Variants in DENND3 observed in about 807,000 individuals in gnomAD.
The protein encoded by DENND3 is DENN domain-containing protein 3.
Under a neutral mutation model 135.1 loss-of-function variants are expected in DENND3, and 88 were observed. The ratio of observed to expected loss-of-function variants is 0.65; its 90% CI spans 0.55 to 0.78. The LOEUF is 0.78. Ranked by LOEUF, DENND3 falls within the 30% of genes least tolerant of loss-of-function variation. DENND3 has a pLI of 0.00. For synonymous variants in DENND3, 693 were observed against 712.3 expected (o/e 0.97, Z 0.43); for missense variants, 1,392 against 1,688.4 (o/e 0.82, Z 3.08).
At chr8:141,187,505 T>G (rs1824050215) in intron 18 of DENND3, among the ~76,000 whole-genome samples, 1 of 152,064 alleles carries the variant, frequency 6.6e-6, no homozygotes, top group Non-Finnish European at 1.5e-5. Flanking sequence ...GGATTACAGG[T>G]GTGAGCCACT....
rs538901385 is a variant in DENND3, at chr8:141,184,446, G to A, written c.2945-693G>A. 12 of 151,794 alleles carry A rather than the reference G, an allele frequency of 7.9e-5. 1 individual carries two copies. The highest frequency in any genetic ancestry group is 2.9e-4 in the African/African-American group (12 of 41,362). 9.4% of individuals were successfully genotyped at this position (151,794 alleles called of 1,614,324 possible). A position where few individuals can be genotyped will look rare whatever the true frequency, so the allele number is the denominator to read the frequency against. ...TGTGAACACTGCTGCACTCCAGCCCGGGCAACATGGCAAGACCTCGTCTAT... is the reference window on the plus strand; with the variant it reads ...TGTGAACACTGCTGCACTCCAGCCCAGGCAACATGGCAAGACCTCGTCTAT... On this transcript the variant is annotated intron_variant, in intron 17 of 22. Transcript: ENST00000519811.
At position 141,146,138 on chromosome 8, in the gene DENND3, G is replaced by A. The variant is rs1340061517; in HGVS notation, c.735+1879G>A. On this transcript the variant is annotated intron_variant, in intron 5 of 22. Coordinates refer to ENST00000519811, the MANE Select transcript of DENND3 (RefSeq NM_001352890.3). The surrounding 1 kb of genome is among the most constrained non-coding windows in gnomAD (Gnocchi z 4.3). ...CTGGGATTACAGCGTGAGCCACCGC[G>A]CCCGCCCTGGATATTGTATTTCATT... Among the ~76,000 whole-genome samples, 2 of 152,096 alleles carry A rather than the reference G, an allele frequency of 1.3e-5. No homozygotes were observed. Among genetic ancestry groups the A allele is most frequent in the Admixed American group, 6.5e-5 (1 of 15,274 alleles).
chr8:141,195,707 C>T lies in DENND3; in HGVS notation c.*1474C>T, dbSNP rs546777684. On this transcript the variant is annotated 3_prime_UTR_variant, in exon 23 of 23. Transcript: ENST00000519811. Reference sequence around the variant, plus strand: ...ACACATGAATCCTTATGATAAAAGTCTGTCAGTCAAAAATACATTTATAAA... The same window carrying T: ...ACACATGAATCCTTATGATAAAAGTTTGTCAGTCAAAAATACATTTATAAA... 3.9e-5 allele frequency: 6 copies of T among 152,340 alleles called. No homozygotes were observed. Among genetic ancestry groups the T allele is most frequent in the African/African-American group, 1.2e-4 (5 of 41,574 alleles). The allele number at this position is 152,340 out of a possible 1,614,324, so 9.4% of individuals were successfully genotyped here.
chr8:141,191,989 G>GGGTAA (rs776978872), intron 20 of DENND3: 2 of 200,584 alleles, frequency 1.0e-5, no homozygotes, highest in South Asian at 2.4e-4. Flanking sequence ...TTCATGGATA[G>GGGTAA]GGTAAGAAGC....
intron 1 of DENND3, among the ~76,000 whole-genome samples, chr8:141,136,122 C>T (rs933196448): frequency 6.6e-6 from 1 of 152,214 alleles, no homozygotes; most frequent in African/African-American, 2.4e-5. Context: ...CTGTTATTCC[C>T]TGTACTCGCC....
Position 141,141,417 on chromosome 8 carries a change from G to C in DENND3, c.623+93G>C. 2.0e-6 allele frequency: 3 copies of C among 1,470,922 alleles called. No homozygotes were observed. Among genetic ancestry groups the C allele is most frequent in the South Asian group, 2.4e-5 (2 of 84,814 alleles). The allele number at this position is 1,470,922 out of a possible 1,614,324, so 91.1% of individuals were successfully genotyped here. ...GGGACCAGGGGGCTGGAGGTGGTGG[G>C]GGGGCAGCTCTCTGTTCCTCTCCTG... On this transcript the variant is annotated intron_variant, in intron 4 of 22. Coordinates refer to ENST00000519811, the MANE Select transcript of DENND3 (RefSeq NM_001352890.3). The surrounding 1 kb of genome is among the most constrained non-coding windows in gnomAD (Gnocchi z 5.3).
chr8:141,140,146 C>G (rs536135469), intron 3 of DENND3, among the ~76,000 whole-genome samples: 69 of 152,294 alleles, frequency 4.5e-4, no homozygotes, highest in Middle Eastern at 3.4e-3. Context: ...CTACTGGAAT[C>G]CTGCCTCAGC....
In DENND3 at chr8:141,144,023, G is replaced by A; in HGVS notation, c.624-125G>A. 2 of 776,802 alleles carry A rather than the reference G, an allele frequency of 2.6e-6. No individual in the cohort carries two copies. The highest frequency in any genetic ancestry group is 4.0e-6 in the Non-Finnish European group (2 of 501,552). 48.1% of individuals were successfully genotyped at this position (776,802 alleles called of 1,614,324 possible). ...CCAGCAGCTTGGTGACTTTGCTTTT[G>A]GTGAAAGGTCCTGGAGCTGCTGCTG... On this transcript the variant is annotated intron_variant, in intron 4 of 22. Transcript: ENST00000519811. The surrounding 1 kb of genome is among the most constrained non-coding windows in gnomAD (Gnocchi z 4.4).
chr8:141,146,406 T>G lies in DENND3; in HGVS notation c.735+2147T>G, dbSNP rs188962784. ...AGAAACATGTCAGGTTGCTCAGCTATGTGAAGAAACCTGTTTGACTCAGCA... is the reference window on the plus strand; with the variant it reads ...AGAAACATGTCAGGTTGCTCAGCTAGGTGAAGAAACCTGTTTGACTCAGCA... On this transcript the variant is annotated intron_variant, in intron 5 of 22. Coordinates refer to ENST00000519811, the MANE Select transcript of DENND3 (RefSeq NM_001352890.3). The surrounding 1 kb of genome is among the most constrained non-coding windows in gnomAD (Gnocchi z 4.3). 6.6e-6 allele frequency among the ~76,000 whole-genome samples: 1 copy of G among 152,232 alleles called. No homozygotes were observed. Among genetic ancestry groups the G allele is most frequent in the Non-Finnish European group, 1.5e-5 (1 of 68,042 alleles).
In DENND3 at chr8:141,139,225, G is replaced by A. The variant is rs893264792; in HGVS notation, c.501+1088G>A. ...TGGATTCCCTCGGAGCCCGGGACAC[G>A]TGTTTTTGTTGGTAGAAGCGTGCTT... On this transcript the variant is annotated intron_variant, in intron 3 of 22. Transcript: ENST00000519811. The surrounding 1 kb of genome is among the most constrained non-coding windows in gnomAD (Gnocchi z 4.2). 2.0e-5 allele frequency among the ~76,000 whole-genome samples: 3 copies of A among 152,198 alleles called. No individual in the cohort carries two copies. The highest frequency in any genetic ancestry group is 4.4e-5 in the Non-Finnish European group (3 of 68,040).
At chr8:141,134,643 G>A (rs913841213) in intron 1 of DENND3, among the ~76,000 whole-genome samples, 11 of 152,244 alleles carry the variant, frequency 7.2e-5, no homozygotes, top group Non-Finnish European at 1.0e-4. Flanking sequence ...ATTGTTGACC[G>A]AATTTGAGTG....
Position 141,146,142 on chromosome 8 carries a change from G to A in DENND3, c.735+1883G>A, listed in dbSNP as rs1460465429. 3.3e-5 allele frequency among the ~76,000 whole-genome samples: 5 copies of A among 152,196 alleles called. No homozygotes were observed. The East Asian group carries it at 5.8e-4, about 18-fold the overall frequency. On this transcript the variant is annotated intron_variant, in intron 5 of 22. Coordinates refer to ENST00000519811, the MANE Select transcript of DENND3 (RefSeq NM_001352890.3). This position sits in a 1 kb window ranked among gnomAD's most constrained non-coding sequence, Gnocchi z 4.3. Reference sequence around the variant, plus strand: ...GATTACAGCGTGAGCCACCGCGCCCGCCCTGGATATTGTATTTCATTTGTT... The same window carrying A: ...GATTACAGCGTGAGCCACCGCGCCCACCCTGGATATTGTATTTCATTTGTT...
chr8:141,165,495 G>A (rs1387172333), intron 11 of DENND3, among the ~76,000 whole-genome samples: 7 of 144,750 alleles, frequency 4.8e-5, no homozygotes, highest in African/African-American at 1.6e-4. Flanking sequence ...ACGGAGTCTC[G>A]CTCTTGTTGC....
At chr8:141,178,815 A>G (rs1822731724) in intron 16 of DENND3, among the ~76,000 whole-genome samples, 1 of 151,964 alleles carries the variant, frequency 6.6e-6, no homozygotes, top group African/African-American at 2.4e-5. Flanking sequence ...CTGGACTCCC[A>G]TTTTTTTCTT....
At position 141,192,559 on chromosome 8, in the gene DENND3, A is replaced by G. The variant is rs777841137; in HGVS notation, c.3532A>G (p.Ser1178Gly). The change falls in exon 22 of 23, where the codon AGC (serine) becomes GGC (glycine). Residue 1178 changes from serine (S) to glycine (G), a missense_variant. Coordinates refer to ENST00000519811, the MANE Select transcript of DENND3 (RefSeq NM_001352890.3). ...GCTGTGGGCGGCCTGTGCAGGACGCAGCGAGGTTTACATCTGGAGCCTGAA... is the reference window on the plus strand; with the variant it reads ...GCTGTGGGCGGCCTGTGCAGGACGCGGCGAGGTTTACATCTGGAGCCTGAA... ...EQLWAACAGR[S>G]EVYIWSLKDL... is the part of the protein sequence containing the mutation. 6.3e-7 allele frequency: 1 copy of G among 1,583,376 alleles called. No homozygotes were observed. The highest frequency in any genetic ancestry group is 8.6e-7 in the Non-Finnish European group (1 of 1,162,590).
Position 141,150,160 on chromosome 8 carries a change from G to T in DENND3, c.736-674G>T, listed in dbSNP as rs544420474. On this transcript the variant is annotated intron_variant, in intron 5 of 22. Transcript: ENST00000519811. ...CCGAGCTGGGCACCCAGCATTTCCT[G>T]AGGGCCTCCCACGTGCCAGCACCCG... 83 of 367,988 alleles carry T rather than the reference G, an allele frequency of 2.3e-4. No homozygotes were observed. The Admixed American group carries it at 3.5e-3, about 16-fold the overall frequency. The allele number at this position is 367,988 out of a possible 1,614,324, so 22.8% of individuals were successfully genotyped here.
At position 141,138,949 on chromosome 8, in the gene DENND3, G is replaced by A. The variant is rs950099748; in HGVS notation, c.501+812G>A. ...TTTGTCTTTGGTGTGAGCGACTGGCGTTTAGACTTTACAACACATTACATC... is the reference window on the plus strand; with the variant it reads ...TTTGTCTTTGGTGTGAGCGACTGGCATTTAGACTTTACAACACATTACATC... On this transcript the variant is annotated intron_variant, in intron 3 of 22. Transcript: ENST00000519811. The surrounding 1 kb of genome is among the most constrained non-coding windows in gnomAD (Gnocchi z 4.8). Among the ~76,000 whole-genome samples the A allele has an allele frequency of 9.2e-5, 14 of 152,332 alleles. No homozygotes were observed. Among genetic ancestry groups the A allele is most frequent in the African/African-American group, 2.9e-4 (12 of 41,578 alleles).
Position 141,188,896 on chromosome 8 carries a change from C to G in DENND3, c.3085-90C>G, listed in dbSNP as rs139704244. ...CCTAGGAGCAGTGGTTCCATATCCG[C>G]TAATTCAGCACGTGCAGTAAATGTA... is the stretch of plus-strand genomic sequence containing the variant. On this transcript the variant is annotated intron_variant, in intron 18 of 22. Transcript: ENST00000519811. 920 of 1,494,784 alleles carry G rather than the reference C, an allele frequency of 6.2e-4. 4 individuals are homozygous for G. In the African/African-American group the frequency reaches 0.012, roughly 19 times the overall value. 92.6% of individuals were successfully genotyped at this position (1,494,784 alleles called of 1,614,324 possible). A position where few individuals can be genotyped will look rare whatever the true frequency, so the allele number is the denominator to read the frequency against.
Position 141,182,439 on chromosome 8 carries a change from A to C in DENND3, c.2944+1585A>C. The C allele has an allele frequency of 1.0e-6, 1 of 985,476 alleles. No individual in the cohort carries two copies. 61.0% of individuals were successfully genotyped at this position (985,476 alleles called of 1,614,324 possible). On this transcript the variant is annotated intron_variant, in intron 17 of 22. Coordinates refer to ENST00000519811, the MANE Select transcript of DENND3 (RefSeq NM_001352890.3). This position sits in a 1 kb window ranked among gnomAD's most constrained non-coding sequence, Gnocchi z 5.9. Reference sequence around the variant, plus strand: ...CCAGGCTCTGTGCTGACTTCGCCAGAGATGACTCCACAGACCAAGATACTT... The same window carrying C: ...CCAGGCTCTGTGCTGACTTCGCCAGCGATGACTCCACAGACCAAGATACTT...
Sources: allele counts gnomAD v4.1 joint callset (sites outside exome capture counted in the v4.1 genomes callset), GRCh38; gene constraint gnomAD v4.1.1; non-coding constraint Gnocchi (gnomAD v3.1); transcripts MANE v1.5; gene names NCBI Gene and HGNC (gene_info 2026-07-23, HGNC 2026-07-21).